PVR: variants seen among roughly 807,000 people sequenced by gnomAD.
PVR encodes the protein PVR cell adhesion molecule.
PVR carries 39 observed loss-of-function variants against 43.3 expected under a neutral mutation model. The ratio of observed to expected loss-of-function variants is 0.90; its 90% confidence interval spans 0.70 to 1.18. The LOEUF (loss-of-function observed/expected upper bound fraction) is 1.18. PVR is among the 50% of genes most tolerant of loss of function. The pLI, the probability that PVR is intolerant of heterozygous loss-of-function variation, is 0.00. For synonymous variants in PVR, 224 were observed against 233.2 expected (o/e 0.96, Z 0.36); for missense variants, 480 against 549.7 (o/e 0.87, Z 1.27).
chr19:44,645,535 C>T (rs1973093664), intron 1 of PVR, among the ~76,000 whole-genome samples: 1 of 148,576 alleles, frequency 6.7e-6, no homozygotes, highest in Admixed American at 6.9e-5. Flanking sequence ...ACAATCCCGG[C>T]TCATTGCAAA....
At chr19:44,656,703 C>T (rs982857124) in intron 4 of PVR, among the ~76,000 whole-genome samples, 4 of 152,340 alleles carry the variant, frequency 2.6e-5, no homozygotes, top group Admixed American at 2.0e-4. Context: ...GGCGCCATGA[C>T]TCATACCTGT....
intron 1 of PVR, 120 bp downstream of exon 1, chr19:44,644,295 C>G (rs1030631182): frequency 1.0e-5 from 7 of 698,636 alleles, no homozygotes; most frequent in African/African-American, 9.5e-5. Context: ...ACCCACCCCC[C>G]ATCTCTGCCC....
At chr19:44,658,921 C>A (rs35385129) in intron 6 of PVR, 21 bp downstream of exon 6, 254,795 of 1,609,454 alleles carry the variant, frequency 0.16, 21,972 homozygotes, top group East Asian at 0.33. Context: ...CCAGAGCTGC[C>A]GTAATTGAGC....
chr19:44,656,878 TG>T lies in PVR; in HGVS notation c.843-881del, dbSNP rs139456071. ...GTCCCAGCTACTCAGGAGGCTGAGGTGGGAAGATTCCATGCACCCAGGAGGT... is the reference window on the plus strand; with the variant it reads ...GTCCCAGCTACTCAGGAGGCTGAGGTGGAAGATTCCATGCACCCAGGAGGT... On this transcript the variant is annotated intron_variant, in intron 4 of 7. Transcript: ENST00000425690. Among the ~76,000 whole-genome samples, 530 of 152,182 alleles carry T rather than the reference TG, an allele frequency of 3.5e-3. 4 individuals carry two copies. The highest frequency in any genetic ancestry group is 0.013 in the African/African-American group (520 of 41,514).
At chr19:44,646,752 CAG>C (rs758486633) in intron 1 of PVR, among the ~76,000 whole-genome samples, 16 of 151,648 alleles carry the variant, frequency 1.1e-4, no homozygotes, top group Non-Finnish European at 2.4e-4. Flanking sequence ...CCCTGGGCGA[CAG>C]AGAGAGACTC....
Position 44,657,829 on chromosome 19 carries a change from A to G in PVR, c.910A>G (p.Lys304Glu). ...CCAGCTCCTGATCCGTCCTGTGGAC[A>G]AACCAATCAACACAACTTTAATCTG... ...GAQLLIRPVD[K>E]PINTTLICNV... is the part of the protein sequence containing the mutation. The change falls in exon 5 of 8, where the codon AAA (lysine) becomes GAA (glutamate). Residue 304 changes from lysine to glutamate, a missense_variant. Physicochemically the swap from Lys to Glu is moderately conservative, Grantham distance 56. Coordinates refer to ENST00000425690, the MANE Select transcript of PVR (RefSeq NM_006505.5). 4.1e-5 allele frequency: 66 copies of G among 1,614,010 alleles called. No individual in the cohort carries two copies. The highest frequency in any genetic ancestry group is 5.4e-5 in the Non-Finnish European group (64 of 1,179,948).
rs1200677635 is a variant in PVR at position 44,654,029 on chromosome 19, G to A, written c.842+12G>A. On this transcript the variant is annotated intron_variant, in intron 4 of 7. Transcript: ENST00000425690. ...TATAATTGGAGCACGTGAGTCCTGGGTCTCAGGGAGGAGGGGCTGGGGGTC... is the reference window on the plus strand; with the variant it reads ...TATAATTGGAGCACGTGAGTCCTGGATCTCAGGGAGGAGGGGCTGGGGGTC... 1.3e-6 allele frequency: 2 copies of A among 1,592,066 alleles called. No individual in the cohort carries two copies. The highest frequency in any genetic ancestry group is 2.7e-5 in the African/African-American group (2 of 74,442).
chr19:44,644,195 T>G lies in PVR; in HGVS notation c.79+20T>G. ...GAACCGGTGAGTGACCCCCGCGCAG[T>G]CCGGTGGCCCCTGTCTGGCTCCCAG... On this transcript the variant is annotated intron_variant, in intron 1 of 7. Transcript: ENST00000425690. 6.8e-7 allele frequency: 1 copy of G among 1,477,146 alleles called. No homozygotes were observed. The highest frequency in any genetic ancestry group is 8.9e-7 in the Non-Finnish European group (1 of 1,119,646). The allele number at this position is 1,477,146 out of a possible 1,614,324, so 91.5% of individuals were successfully genotyped here.
Position 44,662,003 on chromosome 19 carries a change from G to A in PVR, c.*192G>A, listed in dbSNP as rs555989146. ...ACCACCCTCCTTTCATTTGCTAGAAGGACTCACTAGACTCAGGAAAGCTGT... is the reference window on the plus strand; with the variant it reads ...ACCACCCTCCTTTCATTTGCTAGAAAGACTCACTAGACTCAGGAAAGCTGT... On this transcript the variant is annotated 3_prime_UTR_variant, in exon 8 of 8. Coordinates refer to ENST00000425690, the MANE Select transcript of PVR (RefSeq NM_006505.5). 27 of 593,470 alleles carry A rather than the reference G, an allele frequency of 4.5e-5. No individual in the cohort carries two copies. Among genetic ancestry groups the A allele is most frequent in the South Asian group, 4.0e-4 (20 of 49,782 alleles). 36.8% of individuals were successfully genotyped at this position (593,470 alleles called of 1,614,324 possible).
At chr19:44,652,352 C>G (rs1263460651) in intron 3 of PVR, among the ~76,000 whole-genome samples, 1 of 151,890 alleles carries the variant, frequency 6.6e-6, no homozygotes, top group East Asian at 1.9e-4. Context: ...GCGTGTGACA[C>G]CATGCCTAGC....
chr19:44,647,089 C>CCCCCCCCCCCG, intron 1 of PVR, 134 bp from the exon 2 acceptor site: 3 of 456,180 alleles, frequency 6.6e-6, no homozygotes, highest in South Asian at 3.5e-5. Flanking sequence ...CCCCTCCCCC[C>CCCCCCCCCCCG]ACACCCCACG....
Position 44,666,041 on chromosome 19 carries a change from T to A in PVR, c.*4230T>A, listed in dbSNP as rs1372737895. The A allele has an allele frequency of 3.9e-5, 6 of 152,290 alleles. 1 individual carries two copies. The highest frequency in any genetic ancestry group is 1.4e-4 in the African/African-American group (6 of 41,448). The allele number at this position is 152,290 out of a possible 1,614,324, so 9.4% of individuals were successfully genotyped here. On this transcript the variant is annotated 3_prime_UTR_variant, in exon 8 of 8. Transcript: ENST00000425690. Reference sequence around the variant, plus strand: ...AAGGCTGCAGGACAGGATGGACTCCTAGACCTCTGTTACCAGCAGTGACTA... The same window carrying A: ...AAGGCTGCAGGACAGGATGGACTCCAAGACCTCTGTTACCAGCAGTGACTA...
At chr19:44,649,640 C>T (rs1350571502) in intron 2 of PVR, among the ~76,000 whole-genome samples, 169 bp from the exon 3 acceptor site, 2 of 152,028 alleles carry the variant, frequency 1.3e-5, no homozygotes, top group Non-Finnish European at 2.9e-5. Context: ...AGGCTGGTCT[C>T]GAACTCCTGA....
rs1230477008 is a variant in PVR, at chr19:44,656,076, T to TA, written c.843-1676dup. Reference sequence around the variant, plus strand: ...TAGTGTTGCTGGGATTCCACCACTTTAAAAAAAAAATTCAAAGAATAGAGA... The same window carrying TA: ...TAGTGTTGCTGGGATTCCACCACTTTAAAAAAAAAAATTCAAAGAATAGAGA... On this transcript the variant is annotated intron_variant, in intron 4 of 7. Coordinates refer to ENST00000425690, the MANE Select transcript of PVR (RefSeq NM_006505.5). Among the ~76,000 whole-genome samples, 12 of 149,618 alleles carry TA rather than the reference T, an allele frequency of 8.0e-5. No individual in the cohort carries two copies. The South Asian group carries it at 1.5e-3, about 19-fold the overall frequency.
In PVR at chr19:44,666,116, C is replaced by T. The variant is rs1973710184; in HGVS notation, c.*4305C>T. On this transcript the variant is annotated 3_prime_UTR_variant, in exon 8 of 8. Coordinates refer to ENST00000425690, the MANE Select transcript of PVR (RefSeq NM_006505.5). The stretch of plus-strand genomic sequence containing the variant: ...GTTTGAATTTTATTCTAAGTACTGT[C>T]TACAAGTTCTGCAATAAACCTTGAC... 1 of 152,134 alleles carries T rather than the reference C, an allele frequency of 6.6e-6. No homozygotes were observed. Among genetic ancestry groups the T allele is most frequent in the Non-Finnish European group, 1.5e-5 (1 of 68,050 alleles). 9.4% of individuals were successfully genotyped at this position (152,134 alleles called of 1,614,324 possible).
rs999168259 is a variant in PVR at position 44,664,410 on chromosome 19, G to C, written c.*2599G>C. ...TAACTTTTGTAGAGATAGGCATCTC[G>C]CTATGTTGCCTAGGCTGGGCTGGAA... On this transcript the variant is annotated 3_prime_UTR_variant, in exon 8 of 8. Coordinates refer to ENST00000425690, the MANE Select transcript of PVR (RefSeq NM_006505.5). 20 of 152,138 alleles carry C rather than the reference G, an allele frequency of 1.3e-4. No homozygotes were observed. The highest frequency in any genetic ancestry group is 3.9e-4 in the African/African-American group (16 of 41,502). 9.4% of individuals were successfully genotyped at this position (152,138 alleles called of 1,614,324 possible). A position where few individuals can be genotyped will look rare whatever the true frequency, so the allele number is the denominator to read the frequency against.
intron 1 of PVR, among the ~76,000 whole-genome samples, chr19:44,646,477 G>A (rs1973116791): frequency 6.6e-6 from 1 of 152,148 alleles, no homozygotes; most frequent in Non-Finnish European, 1.5e-5. Flanking sequence ...CGATGAAAAA[G>A]TTCTGGGCCA....
intron 3 of PVR, among the ~76,000 whole-genome samples, chr19:44,652,607 C>T (rs973353135): frequency 2.0e-5 from 3 of 152,120 alleles, no homozygotes; most frequent in Admixed American, 1.3e-4. Context: ...TGGTCTCAAA[C>T]TCCTGACCTC....
rs1045074257 is a variant in PVR, at chr19:44,644,125, C to T, written c.29C>T (p.Pro10Leu). The change falls in exon 1 of 8, where the codon CCG becomes CTG. Residue 10 changes from proline (P) to leucine (L), a missense_variant. Physicochemically the swap from Pro to Leu is moderately conservative, Grantham distance 98. Transcript: ENST00000425690. Reference sequence around the variant, plus strand: ...GCCCGAGCCATGGCCGCCGCGTGGCCGCTGCTGCTGGTGGCGCTACTGGTG... The same window carrying T: ...GCCCGAGCCATGGCCGCCGCGTGGCTGCTGCTGCTGGTGGCGCTACTGGTG... MARAMAAAWPLLLVALLVLS... is the reference protein window; with the variant it reads MARAMAAAWLLLLVALLVLS... 14 of 1,519,650 alleles carry T rather than the reference C, an allele frequency of 9.2e-6. No homozygotes were observed. The highest frequency in any genetic ancestry group is 1.8e-4 in the Middle Eastern group (1 of 5,492). 94.1% of individuals were successfully genotyped at this position (1,519,650 alleles called of 1,614,324 possible). A position where few individuals can be genotyped will look rare whatever the true frequency, so the allele number is the denominator to read the frequency against.
Sources: gnomAD v4.1 joint callset for allele counts (sites outside exome capture counted in the v4.1 genomes callset) on GRCh38, gnomAD v4.1.1 for gene constraint, MANE v1.5 for transcripts, NCBI Gene and HGNC (gene_info 2026-07-23, HGNC 2026-07-21) for gene names.